Variants in PKHD1 observed in about 807,000 individuals in gnomAD.
The protein encoded by PKHD1 is PKHD1 ciliary IPT domain containing fibrocystin/polyductin.
PKHD1 carries 291 observed loss-of-function variants against 412.0 expected under a neutral mutation model. That is an observed-to-expected ratio of 0.71 (90% CI 0.64 to 0.78). The LOEUF (loss-of-function observed/expected upper bound fraction) is 0.78. PKHD1 is among the 30% of genes least tolerant of loss of function. PKHD1 has a pLI of 0.00. For missense variants in PKHD1, 4,825 were observed against 4,950.7 expected (o/e 0.97, Z 0.76); for synonymous variants, 1,777 against 1,821.5 (o/e 0.98, Z 0.62).
At chr6:51,942,558 C>T (rs1788759693) in intron 36 of PKHD1, among the ~76,000 whole-genome samples, 1 of 151,552 alleles carries the variant, frequency 6.6e-6, no homozygotes, top group Non-Finnish European at 1.5e-5. Context: ...CTGGCCCGGA[C>T]TTCAATCCGG....
intron 27 of PKHD1, among the ~76,000 whole-genome samples, chr6:52,037,886 A>C (rs1162427919): frequency 6.6e-6 from 1 of 152,222 alleles, no homozygotes; most frequent in African/African-American, 2.4e-5. Flanking sequence ...CTCCATATAC[A>C]AAATAACAAA....
chr6:51,666,690 C>T (rs965981281), intron 60 of PKHD1, among the ~76,000 whole-genome samples: 2 of 118,496 alleles, frequency 1.7e-5, no homozygotes, highest in Non-Finnish European at 3.4e-5. Flanking sequence ...GCTATCCCTC[C>T]CCCCTCCCCC....
intron 27 of PKHD1, among the ~76,000 whole-genome samples, chr6:52,038,739 G>A (rs747494988): frequency 1.3e-5 from 2 of 152,102 alleles, no homozygotes; most frequent in Non-Finnish European, 2.9e-5. Context: ...AATTAACTCA[G>A]AATGAATCAG....
chr6:51,668,494 G>A (rs1329102484), intron 60 of PKHD1, among the ~76,000 whole-genome samples: 1 of 152,110 alleles, frequency 6.6e-6, no homozygotes, highest in African/African-American at 2.4e-5. Flanking sequence ...TCTGCAAACA[G>A]GGACAATTTG....
chr6:51,638,240 C>T (rs1282743549), intron 64 of PKHD1, among the ~76,000 whole-genome samples: 1 of 152,152 alleles, frequency 6.6e-6, no homozygotes, highest in Non-Finnish European at 1.5e-5. Context: ...TCACTATCTC[C>T]CAAATGCTCT....
intron 60 of PKHD1, among the ~76,000 whole-genome samples, chr6:51,730,803 G>T (rs1163047528): frequency 2.0e-5 from 3 of 152,182 alleles, no homozygotes; most frequent in African/African-American, 7.2e-5. Flanking sequence ...CCATTAAAAT[G>T]TGCATATATG....
intron 23 of PKHD1, among the ~76,000 whole-genome samples, chr6:52,046,655 A>C (rs1244318626): frequency 1.3e-5 from 2 of 152,246 alleles, no homozygotes; most frequent in Admixed American, 6.5e-5. Context: ...CCAGCTGAGG[A>C]ATGTTGGCAT....
chr6:51,630,682 T>C (rs537964730), intron 65 of PKHD1, among the ~76,000 whole-genome samples: 2 of 152,282 alleles, frequency 1.3e-5, no homozygotes, highest in African/African-American at 4.8e-5. Flanking sequence ...AGAGAATCTT[T>C]TTTTATGAGT....
chr6:51,956,882 C>A (rs1479401717), intron 36 of PKHD1, among the ~76,000 whole-genome samples: 1 of 152,098 alleles, frequency 6.6e-6, no homozygotes, highest in East Asian at 1.9e-4. Flanking sequence ...ACAAGGTCAA[C>A]AAGGGGATCA....
At chr6:51,688,295 T>C (rs1026471370) in intron 60 of PKHD1, among the ~76,000 whole-genome samples, 2 of 152,224 alleles carry the variant, frequency 1.3e-5, no homozygotes, top group Non-Finnish European at 2.9e-5. Context: ...ACTTGGGTTC[T>C]ACTAGCAGTT....
intron 32 of PKHD1, 123 bp from the exon 33 acceptor site, chr6:52,023,067 C>A: frequency 8.6e-7 from 1 of 1,167,072 alleles, no homozygotes; most frequent in South Asian, 1.3e-5. Context: ...AGAATCCGCA[C>A]AACTGGCTTG....
chr6:51,817,052 G>A (rs1368796720), intron 52 of PKHD1, among the ~76,000 whole-genome samples: 1 of 140,316 alleles, frequency 7.1e-6, no homozygotes, highest in African/African-American at 2.7e-5. Context: ...TATCCGAGGA[G>A]CAAGAGAGAG....
chr6:52,071,107 C>T (rs769407236), intron 8 of PKHD1, 37 bp from the exon 9 acceptor site: 30 of 1,322,674 alleles, frequency 2.3e-5, no homozygotes, highest in Non-Finnish European at 3.2e-5. Flanking sequence ...AATGACCAGA[C>T]AACTCACTAC....
intron 43 of PKHD1, among the ~76,000 whole-genome samples, chr6:51,899,401 G>A (rs1325416801): frequency 6.6e-5 from 10 of 151,970 alleles, no homozygotes; most frequent in East Asian, 1.9e-4. Flanking sequence ...TATAAACAGA[G>A]CCAAAGACAA....
chr6:51,753,147 C>T (rs1786377563), intron 57 of PKHD1, 54 bp downstream of exon 57: 1 of 1,488,138 alleles, frequency 6.7e-7, no homozygotes, highest in Admixed American at 1.7e-5. Flanking sequence ...TTCTGGGTGT[C>T]CCAGATGAAT....
intron 53 of PKHD1, among the ~76,000 whole-genome samples, chr6:51,785,765 C>G (rs1223518722): frequency 6.6e-6 from 1 of 152,168 alleles, no homozygotes; most frequent in Non-Finnish European, 1.5e-5. Flanking sequence ...TTGCGCTCCT[C>G]AAAATTTCTA....
At chr6:51,755,145 T>C (rs931137109) in intron 55 of PKHD1, among the ~76,000 whole-genome samples, 1 of 152,104 alleles carries the variant, frequency 6.6e-6, no homozygotes, top group African/African-American at 2.4e-5. Context: ...AAAATGTATA[T>C]GTTACAGAGA....
chr6:51,837,669 T>G (rs2151558522), intron 50 of PKHD1, among the ~76,000 whole-genome samples: 1 of 152,128 alleles, frequency 6.6e-6, no homozygotes, highest in East Asian at 1.9e-4. Flanking sequence ...ATCACGCCAC[T>G]GCACTCCAGC....
At chr6:51,706,376 T>C (rs1459965523) in intron 60 of PKHD1, among the ~76,000 whole-genome samples, 2 of 151,930 alleles carry the variant, frequency 1.3e-5, no homozygotes, top group Admixed American at 1.3e-4. Context: ...GTCTAAGAGA[T>C]ACTGCAGCCC....
Sources: allele counts gnomAD v4.1 joint callset (sites outside exome capture counted in the v4.1 genomes callset), GRCh38; gene constraint gnomAD v4.1.1; transcripts MANE v1.5; gene names NCBI Gene and HGNC (gene_info 2026-07-23, HGNC 2026-07-21).